The following DCDC1 variants were observed in gnomAD, a reference collection of about 807,000 sequenced individuals.
DCDC1 encodes the protein doublecortin domain-containing protein 1.
DCDC1 carries 200 observed loss-of-function variants against 178.3 expected under a neutral mutation model. That is an observed-to-expected ratio of 1.12 (90% CI 1.00 to 1.26). The LOEUF (loss-of-function observed/expected upper bound fraction) is 1.26. Among genes scored for constraint, DCDC1 ranks in the 50% most tolerant of loss-of-function variants. The pLI is 0.00. For missense variants in DCDC1, 1,983 were observed against 1,749.2 expected (o/e 1.13, Z -2.38); for synonymous variants, 690 against 604.8 (o/e 1.14, Z -2.07).
chr11:31,366,549 C>G (rs929629277), intron 1 of DCDC1, among the ~76,000 whole-genome samples: 1 of 152,022 alleles, frequency 6.6e-6, no homozygotes, highest in Non-Finnish European at 1.5e-5. Context: ...AAGAGATAGG[C>G]CTTAAAGCAG....
At chr11:31,220,656 G>A (rs1003924568) in intron 9 of DCDC1, among the ~76,000 whole-genome samples, 14 of 152,146 alleles carry the variant, frequency 9.2e-5, no homozygotes, top group African/African-American at 3.4e-4. Context: ...AATTCAACAT[G>A]TCTGATTTTA....
intron 9 of DCDC1, among the ~76,000 whole-genome samples, chr11:31,169,315 C>T (rs1158513960): frequency 6.6e-6 from 1 of 152,108 alleles, no homozygotes; most frequent in African/African-American, 2.4e-5. Flanking sequence ...ACCTATGTAA[C>T]AAACCTGCAC....
intron 20 of DCDC1, among the ~76,000 whole-genome samples, chr11:30,994,344 T>C (rs1474207221): frequency 6.6e-6 from 1 of 151,948 alleles, no homozygotes; most frequent in Non-Finnish European, 1.5e-5. Flanking sequence ...AGTAACCCAG[T>C]GCAGTGGCAC....
chr11:31,258,619 G>A (rs1944572639), intron 8 of DCDC1, among the ~76,000 whole-genome samples: 1 of 152,146 alleles, frequency 6.6e-6, no homozygotes, highest in Admixed American at 6.5e-5. Context: ...GAAAGACCAT[G>A]TCCTTAGGAG....
At chr11:31,032,301 A>G (rs141051235) in intron 20 of DCDC1, among the ~76,000 whole-genome samples, 2 of 152,286 alleles carry the variant, frequency 1.3e-5, no homozygotes, top group Non-Finnish European at 2.9e-5. Context: ...GTTTCCATCA[A>G]CATTTTAAGT....
chr11:30,908,838 A>G, intron 29 of DCDC1, 108 bp downstream of exon 29: 9 of 923,880 alleles, frequency 9.7e-6, no homozygotes, highest in Non-Finnish European at 1.4e-5. Flanking sequence ...ATCAGCATTC[A>G]ACTTGTATGA....
intron 9 of DCDC1, among the ~76,000 whole-genome samples, chr11:31,239,358 T>C (rs972064691): frequency 2.6e-5 from 4 of 152,044 alleles, no homozygotes; most frequent in Admixed American, 2.6e-4. Flanking sequence ...ATTGTCAGGC[T>C]TAACACCTAA....
chr11:31,120,708 C>T (rs972642187), intron 11 of DCDC1, among the ~76,000 whole-genome samples: 3 of 152,048 alleles, frequency 2.0e-5, no homozygotes, highest in African/African-American at 7.2e-5. Flanking sequence ...TATGCCTGTA[C>T]TCATCTTCCT....
intron 9 of DCDC1, among the ~76,000 whole-genome samples, chr11:31,138,986 T>C (rs919140550): frequency 2.0e-5 from 3 of 151,912 alleles, no homozygotes; most frequent in East Asian, 3.9e-4. Flanking sequence ...AGTTGGGAAA[T>C]GTTTCTGTAA....
At chr11:31,284,032 G>A (rs1005887362) in intron 7 of DCDC1, among the ~76,000 whole-genome samples, 4 of 151,482 alleles carry the variant, frequency 2.6e-5, no homozygotes, top group African/African-American at 9.7e-5. Flanking sequence ...CAAAGACATA[G>A]TGAACTTTAG....
At chr11:31,359,525 G>A (rs1447913544) in intron 1 of DCDC1, among the ~76,000 whole-genome samples, 1 of 151,930 alleles carries the variant, frequency 6.6e-6, no homozygotes, top group Non-Finnish European at 1.5e-5. Context: ...CATGGCACAT[G>A]TATACATATG....
At chr11:30,945,734 A>ATCTATCTATCTATCTGTCTGTCTG (rs1947989409) in intron 21 of DCDC1, among the ~76,000 whole-genome samples, 1 of 145,372 alleles carries the variant, frequency 6.9e-6, no homozygotes, top group Non-Finnish European at 1.5e-5. Flanking sequence ...CTATCTATCT[A>ATCTATCTATCTATCTGTCTGTCTG]TCTATCTATC....
intron 9 of DCDC1, among the ~76,000 whole-genome samples, chr11:31,206,394 T>C (rs1019135085): frequency 5.9e-5 from 9 of 151,964 alleles, no homozygotes; most frequent in Non-Finnish European, 1.3e-4. Context: ...CAATCTAAGG[T>C]CCATGGATTT....
chr11:30,916,556 TCA>T lies in DCDC1; in HGVS notation c.3452+312_3452+313del. ...CTTAAATGCTTATTCAGAAGTTCACTCACACATTCATTCAACAAATATATAGG... is the reference window on the plus strand; with the variant it reads ...CTTAAATGCTTATTCAGAAGTTCACTCACATTCATTCAACAAATATATAGG... On this transcript the variant is annotated intron_variant, in intron 26 of 38. Transcript: ENST00000684477. Among the ~76,000 whole-genome samples, 2 of 152,314 alleles carry T rather than the reference TCA, an allele frequency of 1.3e-5. 1 individual carries two copies. The highest frequency in any genetic ancestry group is 6.8e-3 in the Middle Eastern group (2 of 294).
intron 10 of DCDC1, among the ~76,000 whole-genome samples, chr11:31,131,824 G>C (rs1485777833): frequency 6.6e-6 from 1 of 152,138 alleles, no homozygotes; most frequent in Non-Finnish European, 1.5e-5. Context: ...ACTGCACCTT[G>C]TGCTATAGCA....
intron 9 of DCDC1, among the ~76,000 whole-genome samples, chr11:31,213,139 C>CTCTCTCTCTCTCTT (rs1972935625): frequency 1.3e-4 from 18 of 140,394 alleles, no homozygotes; most frequent in Non-Finnish European, 1.2e-4. Flanking sequence ...CTCTCTCTCT[C>CTCTCTCTCTCTCTT]TCTCTCTCTC....
chr11:30,895,883 C>T (rs1265956552), intron 34 of DCDC1, among the ~76,000 whole-genome samples: 2 of 152,104 alleles, frequency 1.3e-5, no homozygotes, highest in African/African-American at 4.8e-5. Flanking sequence ...TTATAAATAA[C>T]ATTTCAACAA....
chr11:31,103,816 C>T lies in DCDC1; in HGVS notation c.1752-47G>A. On this transcript the variant is annotated intron_variant, in intron 13 of 38. Transcript: ENST00000684477. ...AAAACTATCTTCAAAATTAGACATACATTGTAATTTGAGCACAAATAAACA... is the reference window on the plus strand; with the variant it reads ...AAAACTATCTTCAAAATTAGACATATATTGTAATTTGAGCACAAATAAACA... The T allele has an allele frequency of 5.4e-6, 4 of 746,692 alleles. No individual in the cohort carries two copies. The Middle Eastern group carries it at 6.9e-4, about 129-fold the overall frequency. 46.3% of individuals were successfully genotyped at this position (746,692 alleles called of 1,614,324 possible).
At chr11:31,331,584 C>T (rs1949991531) in intron 2 of DCDC1, among the ~76,000 whole-genome samples, 1 of 152,098 alleles carries the variant, frequency 6.6e-6, no homozygotes, top group African/African-American at 2.4e-5. Flanking sequence ...GAGTTTTTAG[C>T]ACAAAGGACT....
Sources: allele counts gnomAD v4.1 joint callset (sites outside exome capture counted in the v4.1 genomes callset), GRCh38; gene constraint gnomAD v4.1.1; transcripts MANE v1.5; gene names NCBI Gene and HGNC (gene_info 2026-07-23, HGNC 2026-07-21).